ADGRB3: variants seen among roughly 807,000 people sequenced by gnomAD.
The protein encoded by ADGRB3 is adhesion G protein-coupled receptor B3.
ADGRB3 carries 37 observed loss-of-function variants against 193.4 expected under a neutral mutation model. That is an observed-to-expected ratio of 0.19 (90% CI 0.15 to 0.25). The LOEUF is 0.25. Among genes scored for constraint, ADGRB3 ranks in the 10% least tolerant of loss-of-function variants. ADGRB3 has a pLI of 1.00. For synonymous variants in ADGRB3, 690 were observed against 644.2 expected, an observed-to-expected ratio of 1.07 and a Z score of -1.08; for missense variants, 1,637 against 1,852.9, an observed-to-expected ratio of 0.88 and a Z score of 2.14.
chr6:69,200,775 T>C (rs1765403330), intron 17 of ADGRB3, among the ~76,000 whole-genome samples: 1 of 152,050 alleles, frequency 6.6e-6, no homozygotes, highest in Non-Finnish European at 1.5e-5. Context: ...AAGAAGCTTT[T>C]GGAAAACTGG....
At chr6:69,315,064 T>G (rs1561985006) in intron 20 of ADGRB3, among the ~76,000 whole-genome samples, 1 of 151,604 alleles carries the variant, frequency 6.6e-6, no homozygotes, top group Non-Finnish European at 1.5e-5. Context: ...TTAATATAAT[T>G]TTTGTTTATT....
At chr6:68,785,365 T>A (rs1766944669) in intron 3 of ADGRB3, among the ~76,000 whole-genome samples, 1 of 143,024 alleles carries the variant, frequency 7.0e-6, no homozygotes, top group South Asian at 2.3e-4. Context: ...GTCCATGTGT[T>A]CTCTTTGTTC....
intron 17 of ADGRB3, among the ~76,000 whole-genome samples, chr6:69,187,609 C>T (rs184477942): frequency 5.3e-5 from 8 of 152,274 alleles, no homozygotes; most frequent in East Asian, 1.9e-4. Flanking sequence ...GAAGTTGTTA[C>T]GCAGTAGGTT....
At chr6:69,169,794 C>T (rs1420996298) in intron 17 of ADGRB3, among the ~76,000 whole-genome samples, 4 of 151,990 alleles carry the variant, frequency 2.6e-5, no homozygotes, top group Non-Finnish European at 5.9e-5. Context: ...GTTTTAATGC[C>T]CATGAACTTT....
chr6:69,355,950 AC>A, intron 28 of ADGRB3, 90 bp downstream of exon 28: 2 of 1,135,658 alleles, frequency 1.8e-6, no homozygotes, highest in Non-Finnish European at 2.6e-6. Context: ...TGTGGTTTAC[AC>A]ATTACATATT....
intron 17 of ADGRB3, among the ~76,000 whole-genome samples, chr6:69,183,010 A>G (rs1368550766): frequency 1.3e-5 from 2 of 152,130 alleles, no homozygotes; most frequent in African/African-American, 4.8e-5. Context: ...TATTACTTTT[A>G]AAATATGGCA....
At chr6:68,918,346 G>T (rs1214923592) in intron 3 of ADGRB3, among the ~76,000 whole-genome samples, 1 of 152,150 alleles carries the variant, frequency 6.6e-6, no homozygotes, top group African/African-American at 2.4e-5. Context: ...TAGAAGCACA[G>T]TCATATGATG....
rs550960452 is a variant in ADGRB3, at chr6:68,993,483, C to G, written c.1735-285C>G. Among the ~76,000 whole-genome samples the G allele has an allele frequency of 2.6e-5, 4 of 152,224 alleles. No homozygotes were observed. In the South Asian group the frequency reaches 8.3e-4, roughly 32 times the overall value. ...TTTGATTTTTACTCCAATTAAGAAC[C>G]TAAATTAATACACATTTTCCCAAAT... On this transcript the variant is annotated intron_variant, in intron 10 of 31. Transcript: ENST00000370598.
At chr6:69,267,231 G>T (rs945661927) in intron 20 of ADGRB3, among the ~76,000 whole-genome samples, 4 of 151,980 alleles carry the variant, frequency 2.6e-5, no homozygotes, top group African/African-American at 7.2e-5. Flanking sequence ...GGTCAATCTT[G>T]CTGTTGTTAG....
At chr6:69,188,858 A>G (rs1271853566) in intron 17 of ADGRB3, among the ~76,000 whole-genome samples, 2 of 152,142 alleles carry the variant, frequency 1.3e-5, no homozygotes, top group East Asian at 3.8e-4. Context: ...GTCTTCACAT[A>G]TATCTCTTTG....
intron 20 of ADGRB3, among the ~76,000 whole-genome samples, chr6:69,285,590 G>T (rs1767531922): frequency 6.6e-6 from 1 of 152,084 alleles, no homozygotes; most frequent in Non-Finnish European, 1.5e-5. Flanking sequence ...AGAATTGCTT[G>T]AACCCGGGAG....
At chr6:69,292,542 C>T (rs947054089) in intron 20 of ADGRB3, among the ~76,000 whole-genome samples, 1 of 152,114 alleles carries the variant, frequency 6.6e-6, no homozygotes, top group Non-Finnish European at 1.5e-5. Flanking sequence ...TCCATTCTTA[C>T]TTCCTTCCAC....
chr6:69,114,696 AG>A (rs35707645), intron 17 of ADGRB3, among the ~76,000 whole-genome samples: 37,167 of 151,918 alleles, frequency 0.24, 4,632 homozygotes, highest in African/African-American at 0.27. Context: ...ATAAGTTGTA[AG>A]GGAAGGGGTC....
intron 29 of ADGRB3, 55 bp from the exon 30 acceptor site, chr6:69,372,351 G>A: frequency 9.9e-7 from 1 of 1,010,060 alleles, no homozygotes; most frequent in Non-Finnish European, 1.4e-6. Flanking sequence ...TTGTTTGAAT[G>A]ACTAAACATA....
intron 17 of ADGRB3, among the ~76,000 whole-genome samples, chr6:69,219,280 T>G (rs1181598613): frequency 6.6e-6 from 1 of 151,628 alleles, no homozygotes; most frequent in African/African-American, 2.4e-5. Flanking sequence ...GCTACAAAAA[T>G]TGGTTGTTTA....
chr6:68,999,073 T>C (rs1769482634), intron 11 of ADGRB3, among the ~76,000 whole-genome samples: 1 of 152,212 alleles, frequency 6.6e-6, no homozygotes, highest in Non-Finnish European at 1.5e-5. Context: ...GATGTTAAAA[T>C]TGTAAAAACC....
At chr6:69,193,168 T>C (rs1378171926) in intron 17 of ADGRB3, among the ~76,000 whole-genome samples, 13 of 152,132 alleles carry the variant, frequency 8.5e-5, no homozygotes, top group Admixed American at 8.5e-4. Flanking sequence ...TCCTTCATCC[T>C]TTCCTCTCTT....
chr6:69,316,025 T>G (rs747682793), intron 20 of ADGRB3, among the ~76,000 whole-genome samples: 1 of 151,382 alleles, frequency 6.6e-6, no homozygotes, highest in Non-Finnish European at 1.5e-5. Context: ...ATATTTTATA[T>G]CCCATTAATT....
intron 26 of ADGRB3, among the ~76,000 whole-genome samples, chr6:69,348,074 T>C (rs934930549): frequency 4.6e-5 from 7 of 152,190 alleles, no homozygotes; most frequent in African/African-American, 1.7e-4. Flanking sequence ...ATTGCTATTA[T>C]ATTATGAATA....
Sources: allele counts gnomAD v4.1 joint callset (sites outside exome capture counted in the v4.1 genomes callset), GRCh38; gene constraint gnomAD v4.1.1; transcripts MANE v1.5; gene names NCBI Gene and HGNC (gene_info 2026-07-23, HGNC 2026-07-21).